The following FKBP6 variants were observed in gnomAD, a reference collection of about 807,000 sequenced individuals.
The protein encoded by FKBP6 is inactive peptidyl-prolyl cis-trans isomerase FKBP6.
In FKBP6, 29 loss-of-function variants were observed where a neutral mutation model predicts 41.7. The ratio of observed to expected loss-of-function variants is 0.70; its 90% CI spans 0.52 to 0.95. The LOEUF (loss-of-function observed/expected upper bound fraction) is 0.95. Ranked by LOEUF, FKBP6 falls within the 40% of genes least tolerant of loss-of-function variation. FKBP6 has a pLI of 0.00. For missense variants in FKBP6, 338 were observed against 408.7 expected, an observed-to-expected ratio of 0.83 and a Z score of 1.49; for synonymous variants, 130 against 165.1, an observed-to-expected ratio of 0.79 and a Z score of 1.63.
rs1229394281 is a variant in FKBP6, at chr7:73,358,455, T to C, written c.*277T>C. The C allele has an allele frequency of 1.3e-5, 2 of 152,624 alleles. No individual in the cohort carries two copies. The highest frequency in any genetic ancestry group is 4.8e-5 in the African/African-American group (2 of 41,438). The allele number at this position is 152,624 out of a possible 1,614,324, so 9.5% of individuals were successfully genotyped here. ...AGTTTCTTGTTTTTTTAGACGGAAT[T>C]AGTCCTTGGCTTCCCTCCCAGTCCC... On this transcript the variant is annotated 3_prime_UTR_variant, in exon 9 of 9. Transcript: ENST00000252037.
At chr7:73,346,651 T>C (rs1239404946) in intron 8 of FKBP6, among the ~76,000 whole-genome samples, 1 of 152,078 alleles carries the variant, frequency 6.6e-6, no homozygotes, top group East Asian at 1.9e-4. Flanking sequence ...TGGGGACACA[T>C]TTAAAGTGGC....
chr7:73,330,410 T>C, intron 4 of FKBP6, 58 bp downstream of exon 4: 3 of 1,335,278 alleles, frequency 2.2e-6, no homozygotes, highest in East Asian at 2.3e-5. Flanking sequence ...GTTGGTGTTA[T>C]TGGTAATTCT....
intron 5 of FKBP6, among the ~76,000 whole-genome samples, chr7:73,335,959 T>G (rs782015034): frequency 9.2e-5 from 14 of 152,212 alleles, no homozygotes; most frequent in Non-Finnish European, 1.9e-4. Context: ...AGCAGCGGAC[T>G]GACATTGTCA....
In FKBP6 at chr7:73,341,382, G is replaced by A. The variant is rs782651002; in HGVS notation, c.893G>A (p.Ser298Asn). ...DINNELKKLA[S>N]CYRDYVDKEK... ...AATAATGAGCTGAAGAAACTGGCTA[G>A]GTGAGCTGTGTTTGCAGGAGCATGA... The change falls in exon 7 of 9, where the codon AGC becomes AAC. Residue 298 changes from serine to asparagine, a missense_variant and splice_region_variant. By Grantham distance (46) the Ser-to-Asn change is conservative. Around this residue, in one of 2 missense-constraint regions of FKBP6, gnomAD observed 239 missense variants for 250.1 expected, o/e 0.96. Coordinates refer to ENST00000252037, the MANE Select transcript of FKBP6 (RefSeq NM_003602.5). 6.4e-6 allele frequency: 10 copies of A among 1,574,174 alleles called. No homozygotes were observed. The highest frequency in any genetic ancestry group is 3.5e-6 in the Non-Finnish European group (4 of 1,143,706).
chr7:73,350,211 A>G (rs1451268567), intron 8 of FKBP6, among the ~76,000 whole-genome samples: 2 of 152,196 alleles, frequency 1.3e-5, no homozygotes, highest in African/African-American at 4.8e-5. Context: ...GTCCATCGTC[A>G]TGTGGGCCCA....
At chr7:73,337,237 G>A (rs557182293) in intron 5 of FKBP6, among the ~76,000 whole-genome samples, 77 of 151,812 alleles carry the variant, frequency 5.1e-4, no homozygotes, top group Non-Finnish European at 8.2e-4. Context: ...TGGAAGGGAG[G>A]ACCAAGGAAG....
intron 5 of FKBP6, among the ~76,000 whole-genome samples, chr7:73,337,294 C>T (rs1805033926): frequency 6.6e-6 from 1 of 150,824 alleles, no homozygotes; most frequent in Admixed American, 6.6e-5. Context: ...ACATTTTCTC[C>T]AGTTCTTCCA....
At position 73,342,800 on chromosome 7, in the gene FKBP6, T is replaced by C; in HGVS notation, c.894-7T>C. 1 of 1,605,228 alleles carries C rather than the reference T, an allele frequency of 6.2e-7. No homozygotes were observed. The highest frequency in any genetic ancestry group is 8.5e-7 in the Non-Finnish European group (1 of 1,171,832). ...CTCCTCTAACAAGTGTGTATTTCCC[T>C]CTCCAGCTGTTACAGGGACTATGTG... On this transcript the variant is annotated splice_polypyrimidine_tract_variant and splice_region_variant and intron_variant, in intron 7 of 8. Coordinates refer to ENST00000252037, the MANE Select transcript of FKBP6 (RefSeq NM_003602.5).
rs573748656 is a variant in FKBP6 at position 73,333,830 on chromosome 7, G to A, written c.588+2054G>A. 2.0e-3 allele frequency among the ~76,000 whole-genome samples: 297 copies of A among 152,292 alleles called. 1 individual carries two copies. The highest frequency in any genetic ancestry group is 6.8e-3 in the African/African-American group (283 of 41,564). On this transcript the variant is annotated intron_variant, in intron 5 of 8. Transcript: ENST00000252037. ...CTCATGCCTGTAATCCCAGCACTTT[G>A]GGAGGCCGAGGCGGGTGGATCACCT...
At chr7:73,332,695 C>T (rs1554547908) in intron 5 of FKBP6, among the ~76,000 whole-genome samples, 2 of 152,136 alleles carry the variant, frequency 1.3e-5, no homozygotes. Context: ...ACATTTGCCT[C>T]TGTATATGTA....
intron 8 of FKBP6, among the ~76,000 whole-genome samples, chr7:73,348,419 G>A (rs955852011): frequency 1.3e-5 from 2 of 152,146 alleles, no homozygotes; most frequent in Non-Finnish European, 2.9e-5. Flanking sequence ...CTAGGCTTCC[G>A]TCCACATCCT....
intron 8 of FKBP6, among the ~76,000 whole-genome samples, chr7:73,347,333 T>C (rs1356771822): frequency 6.6e-6 from 1 of 152,208 alleles, no homozygotes; most frequent in Non-Finnish European, 1.5e-5. Context: ...ATGAATTAGA[T>C]GTGAAGAAGC....
intron 8 of FKBP6, among the ~76,000 whole-genome samples, chr7:73,353,361 CTG>C (rs1425560742): frequency 1.3e-5 from 2 of 152,232 alleles, no homozygotes; most frequent in African/African-American, 4.8e-5. Flanking sequence ...CTCTCATACT[CTG>C]TTACAGATCA....
At chr7:73,330,879 C>T (rs1376253756) in intron 4 of FKBP6, among the ~76,000 whole-genome samples, 4 of 152,326 alleles carry the variant, frequency 2.6e-5, no homozygotes, top group Middle Eastern at 3.4e-3. Context: ...TCACTTAACC[C>T]TGTCCCGTAG....
intron 4 of FKBP6, among the ~76,000 whole-genome samples, chr7:73,330,618 G>A (rs914504946): frequency 5.3e-5 from 8 of 152,194 alleles, no homozygotes; most frequent in Admixed American, 6.5e-5. Flanking sequence ...GTCATCCTTT[G>A]CCTAGTTCTC....
chr7:73,340,788 A>T lies in FKBP6; in HGVS notation c.739A>T (p.Ile247Phe), dbSNP rs1805154890. The T allele has an allele frequency of 3.1e-6, 5 of 1,613,972 alleles. No homozygotes were observed. Among genetic ancestry groups the T allele is most frequent in the Non-Finnish European group, 4.2e-6 (5 of 1,180,030 alleles). Reference protein sequence around the residue: ...IALCYGEQALIIDQKNAKALF... With the variant: ...IALCYGEQALFIDQKNAKALF... The stretch of plus-strand genomic sequence containing the variant: ...CCTGTGCTATGGAGAGCAGGCTTTG[A>T]TCATTGACCAAAAGAATGCCAAGGC... Residue 247 changes from isoleucine to phenylalanine, a missense_variant, in exon 6 of 9, where the codon ATC (isoleucine) becomes TTC (phenylalanine). Coordinates refer to ENST00000252037, the MANE Select transcript of FKBP6 (RefSeq NM_003602.5).
In FKBP6 at chr7:73,342,763, C is replaced by G. The variant is rs782341473; in HGVS notation, c.894-44C>G. 2.2e-6 allele frequency: 3 copies of G among 1,382,238 alleles called. No individual in the cohort carries two copies. The Admixed American group carries it at 5.0e-5, about 23-fold the overall frequency. The allele number at this position is 1,382,238 out of a possible 1,614,324, so 85.6% of individuals were successfully genotyped here. A position where few individuals can be genotyped will look rare whatever the true frequency, so the allele number is the denominator to read the frequency against. On this transcript the variant is annotated intron_variant, in intron 7 of 8. Coordinates refer to ENST00000252037, the MANE Select transcript of FKBP6 (RefSeq NM_003602.5). ...TTCCAGCCACCAGATGTCACCTCCT[C>G]CAAACACAGACCTCCTCTAACAAGT...
At position 73,340,815 on chromosome 7, in the gene FKBP6, C is replaced by G. The variant is rs1805156384; in HGVS notation, c.766C>G (p.Leu256Val). ...CATTGACCAAAAGAATGCCAAGGCC[C>G]TCTTCAGGTGTGGACAGGTGAGTTG... is the stretch of plus-strand genomic sequence containing the variant. ...LIIDQKNAKA[L>V]FRCGQACLLL... Residue 256 changes from leucine to valine, a missense_variant, in exon 6 of 9, where the codon CTC becomes GTC. Physicochemically the swap from Leu to Val is conservative, Grantham distance 32. Transcript: ENST00000252037. 1.9e-6 allele frequency: 3 copies of G among 1,613,972 alleles called. No homozygotes were observed. Among genetic ancestry groups the G allele is most frequent in the Non-Finnish European group, 2.5e-6 (3 of 1,179,954 alleles).
At chr7:73,347,132 C>A (rs1805352988) in intron 8 of FKBP6, among the ~76,000 whole-genome samples, 1 of 152,188 alleles carries the variant, frequency 6.6e-6, no homozygotes, top group Admixed American at 6.5e-5. Flanking sequence ...TTTATCATAA[C>A]ATTTTTCTTC....
Sources: allele counts gnomAD v4.1 joint callset (sites outside exome capture counted in the v4.1 genomes callset), GRCh38; gene constraint gnomAD v4.1.1; regional missense constraint gnomAD v4.1.1; transcripts MANE v1.5; gene names NCBI Gene and HGNC (gene_info 2026-07-23, HGNC 2026-07-21).